Variants in CHRNE observed in about 807,000 individuals in gnomAD.
CHRNE encodes acetylcholine receptor subunit epsilon.
CHRNE carries 58 observed loss-of-function variants against 56.5 expected under a neutral mutation model. That is an observed-to-expected ratio of 1.03 (90% CI 0.83 to 1.28). CHRNE has a LOEUF of 1.28. CHRNE is among the 50% of genes most tolerant of loss of function. The pLI is 0.00. For synonymous variants in CHRNE, 385 were observed against 297.9 expected, an observed-to-expected ratio of 1.29 and a Z score of -3.01; for missense variants, 793 against 688.9, an observed-to-expected ratio of 1.15 and a Z score of -1.69.
At chr17:4,906,446 C>A (rs965871789), upstream of CHRNE, among the ~76,000 whole-genome samples, 3 of 152,236 alleles carry the variant, frequency 2.0e-5, no homozygotes, top group Admixed American at 2.0e-4. Context: ...TCCTCCCCAG[C>A]AGGATTCAAA....
intron 6 of CHRNE, 50 bp downstream of exon 6, chr17:4,901,475 C>CT: frequency 1.3e-6 from 2 of 1,565,640 alleles, no homozygotes; most frequent in Non-Finnish European, 1.8e-6. Flanking sequence ...GAAGTCCCCT[C>CT]TCTGGACCCC....
rs764552360 is a variant in CHRNE, at chr17:4,903,018, C to T, written c.46G>A (p.Gly16Ser). 3.3e-5 allele frequency: 54 copies of T among 1,613,928 alleles called. No homozygotes were observed. The highest frequency in any genetic ancestry group is 4.4e-5 in the Non-Finnish European group (52 of 1,180,040). ...LGVLLLLGLL[G>S]RGVGKNEELR... ...TTGCCCCTCTAGCCCCTGTCCGTAC[C>T]GAGAAGCCCCAAGAGGAGCAGGACC... is the stretch of plus-strand genomic sequence containing the variant. Residue 16 changes from glycine to serine, a missense_variant and splice_region_variant, in exon 1 of 12, where the codon GGC becomes AGC. By Grantham distance (56) the Gly-to-Ser change is moderately conservative (BLOSUM62 0). Transcript: ENST00000649488.
rs1969971072 is a variant in CHRNE at position 4,901,132 on chromosome 17, G to A, written c.660C>T (p.Gly220=). 10 of 1,612,354 alleles carry A rather than the reference G, an allele frequency of 6.2e-6. No homozygotes were observed. The highest frequency in any genetic ancestry group is 7.6e-6 in the Non-Finnish European group (9 of 1,179,916). The part of the protein sequence containing the change: ...CPGVIRRHHG[G]ATDGPGETDV... ...CAGTCTCCCCTGGGCCGTCGGTGGC[G>A]CCACCGTGGTGGCGGCGGATCACCC... Residue 220 remains glycine (G), a synonymous_variant, in exon 7 of 12, where the codon GGC becomes GGT. Transcript: ENST00000649488.
upstream of CHRNE, among the ~76,000 whole-genome samples, chr17:4,904,686 C>T (rs1398364579): frequency 1.3e-5 from 2 of 152,206 alleles, no homozygotes; most frequent in African/African-American, 4.8e-5. Context: ...TATCAATCAA[C>T]TCTATTGATC....
rs961218388 is a variant in CHRNE at position 4,900,913 on chromosome 17, G to A, written c.803-6C>T. ...CGTGCATTTCTGGCCGCCGGCTGGA[G>A]GGAGAGCCAGTGAGAGCGGGCCCCG... On this transcript the variant is annotated splice_polypyrimidine_tract_variant and splice_region_variant and intron_variant, in intron 7 of 11. Coordinates refer to ENST00000649488, the MANE Select transcript of CHRNE (RefSeq NM_000080.4). 31 of 1,614,154 alleles carry A rather than the reference G, an allele frequency of 1.9e-5. No individual in the cohort carries two copies. Among genetic ancestry groups the A allele is most frequent in the Non-Finnish European group, 2.6e-5 (31 of 1,179,976 alleles).
chr17:4,901,884 G>A, intron 5 of CHRNE, 48 bp downstream of exon 5: 1 of 1,526,280 alleles, frequency 6.6e-7, no homozygotes, highest in Non-Finnish European at 9.0e-7. Flanking sequence ...GCCCCATAAG[G>A]CCCCCCCCCA....
In CHRNE at chr17:4,900,989, C is replaced by A; in HGVS notation, c.802+1G>T. On this transcript the variant is annotated splice_donor_variant, in intron 7 of 11. Transcript: ENST00000649488. LOFTEE classifies it high-confidence loss of function. ...GGGGTAGGTTCGGGGCCACTGCTTACCCTGCGCCGGCAGGAAGTAGGCGAG... is the reference window on the plus strand; with the variant it reads ...GGGGTAGGTTCGGGGCCACTGCTTAACCTGCGCCGGCAGGAAGTAGGCGAG... The A allele has an allele frequency of 6.2e-7, 1 of 1,613,964 alleles. No individual in the cohort carries two copies. Among genetic ancestry groups the A allele is most frequent in the Non-Finnish European group, 8.5e-7 (1 of 1,179,880 alleles).
At chr17:4,900,517 G>A in intron 8 of CHRNE, 3 of 1,550,846 alleles carry the variant, frequency 1.9e-6, no homozygotes, top group Non-Finnish European at 2.6e-6. Flanking sequence ...GTGAGCTCAG[G>A]ACACGGGGTG....
rs1037189741 is a variant in CHRNE, at chr17:4,898,556, C to A, written c.*180G>T. 1.2e-5 allele frequency: 9 copies of A among 780,160 alleles called. No homozygotes were observed. In the South Asian group the frequency reaches 1.3e-4, roughly 11 times the overall value. The allele number at this position is 780,160 out of a possible 1,614,324, so 48.3% of individuals were successfully genotyped here. ...TATGTGAACCCTTTCCTCCTGCTGA[C>A]CCCTGGACTGCGGCCAGGCCTACAC... On this transcript the variant is annotated 3_prime_UTR_variant, in exon 12 of 12. Coordinates refer to ENST00000649488, the MANE Select transcript of CHRNE (RefSeq NM_000080.4).
chr17:4,900,072 C>T (rs541558289), intron 8 of CHRNE: 1 of 1,551,098 alleles, frequency 6.4e-7, no homozygotes, highest in East Asian at 2.4e-5. Flanking sequence ...CTGCCTGCCC[C>T]GAAGCCCACC....
chr17:4,900,789 T>A lies in CHRNE; in HGVS notation c.917+4A>T. 6.2e-7 allele frequency: 1 copy of A among 1,613,000 alleles called. No homozygotes were observed. The highest frequency in any genetic ancestry group is 1.1e-5 in the South Asian group (1 of 90,984). ...CCACACCCCCGCGGGGGCTCCGGCT[T>A]CACCTGCCCAGGAGCGGCACGCTCA... On this transcript the variant is annotated splice_donor_region_variant and intron_variant, in intron 8 of 11. Coordinates refer to ENST00000649488, the MANE Select transcript of CHRNE (RefSeq NM_000080.4).
Position 4,898,626 on chromosome 17 carries a change from T to A in CHRNE, c.*110A>T. 2 of 1,415,726 alleles carry A rather than the reference T, an allele frequency of 1.4e-6. No homozygotes were observed. Among genetic ancestry groups the A allele is most frequent in the Non-Finnish European group, 9.6e-7 (1 of 1,036,366 alleles). The allele number at this position is 1,415,726 out of a possible 1,614,324, so 87.7% of individuals were successfully genotyped here. On this transcript the variant is annotated 3_prime_UTR_variant, in exon 12 of 12. Transcript: ENST00000649488. ...CACCATTCTTGTGAAGTTCACAAAC[T>A]GCAGATTGATCAGCAGGGGGAAGGG...
chr17:4,899,895 G>A (rs1204949099), intron 8 of CHRNE: 1 of 1,549,142 alleles, frequency 6.5e-7, no homozygotes, highest in East Asian at 2.4e-5. Flanking sequence ...TCGCCCCTGT[G>A]ACCCCTGCCC....
rs553084042 is a variant in CHRNE, at chr17:4,902,154, A to T, written c.344+63T>A. ...CCCTCTCAGAGTACCCCCTTCCCCA[A>T]CCAAGTCCAGCCCGCACCCCAGGCC... On this transcript the variant is annotated intron_variant, in intron 4 of 11. Coordinates refer to ENST00000649488, the MANE Select transcript of CHRNE (RefSeq NM_000080.4). This position sits in a 1 kb window ranked among gnomAD's most constrained non-coding sequence, Gnocchi z 4.0. 1 of 1,611,810 alleles carries T rather than the reference A, an allele frequency of 6.2e-7. No individual in the cohort carries two copies. Among genetic ancestry groups the T allele is most frequent in the East Asian group, 2.2e-5 (1 of 44,710 alleles).
intron 8 of CHRNE, chr17:4,899,918 G>T (rs1969912357): frequency 6.5e-7 from 1 of 1,549,980 alleles, no homozygotes. Context: ...CTACTCTACT[G>T]CTCTGCTCCT....
chr17:4,901,329 C>T, intron 6 of CHRNE, 139 bp from the exon 7 acceptor site: 1 of 1,029,606 alleles, frequency 9.7e-7, no homozygotes, highest in East Asian at 2.5e-5. Context: ...CAGAAAAGGG[C>T]ATTCTCGTTG....
intron 8 of CHRNE, 43 bp from the exon 9 acceptor site, chr17:4,899,625 G>A (rs370153848): frequency 3.4e-6 from 5 of 1,490,770 alleles, no homozygotes; most frequent in Non-Finnish European, 4.6e-6. Context: ...CCTCCTCCCA[G>A]CTACCGAAGG....
At chr17:4,901,872 C>G in intron 5 of CHRNE, 60 bp downstream of exon 5, 2 of 1,424,862 alleles carry the variant, frequency 1.4e-6, no homozygotes, top group Non-Finnish European at 9.9e-7. Flanking sequence ...CCGGTTGGCC[C>G]CGCCCCATAA....
upstream of CHRNE, among the ~76,000 whole-genome samples, chr17:4,907,281 G>A (rs1016505838): frequency 6.6e-6 from 1 of 151,980 alleles, no homozygotes; most frequent in Admixed American, 6.6e-5. Flanking sequence ...AAAACACTCC[G>A]GGCCGGGCGC....
Sources: gnomAD v4.1 joint callset for allele counts (sites outside exome capture counted in the v4.1 genomes callset) on GRCh38, gnomAD v4.1.1 for gene constraint, Gnocchi (gnomAD v3.1) non-coding constraint, MANE v1.5 for transcripts, NCBI Gene and HGNC (gene_info 2026-07-23, HGNC 2026-07-21) for gene names.